Variants in STXBP5L observed in about 807,000 individuals in gnomAD.
STXBP5L encodes the protein syntaxin binding protein 5L.
In STXBP5L, 65 loss-of-function variants were observed where a neutral mutation model predicts 144.5. The ratio of observed to expected loss-of-function variants is 0.45; its 90% CI spans 0.37 to 0.55. The LOEUF (loss-of-function observed/expected upper bound fraction) is 0.55. STXBP5L is among the 20% of genes least tolerant of loss of function. STXBP5L has a pLI of 0.00. For synonymous variants in STXBP5L, 505 were observed against 469.6 expected (o/e 1.08, Z -0.97); for missense variants, 1,298 against 1,405.5 (o/e 0.92, Z 1.22).
chr3:121,324,499 C>A lies in STXBP5L; in HGVS notation c.2176+5959C>A, dbSNP rs1272111489. On this transcript the variant is annotated intron_variant, in intron 20 of 26. Transcript: ENST00000471454. ...TTATATTCCCTTCCTTTAGGACTTG[C>A]TACCAGAACCCCTGAGTCAGCACTA... The A allele has an allele frequency of 1.3e-5, 9 of 694,816 alleles. No individual in the cohort carries two copies. In the East Asian group the frequency reaches 1.3e-4, roughly 10 times the overall value. 43.0% of individuals were successfully genotyped at this position (694,816 alleles called of 1,614,324 possible).
chr3:121,352,368 G>A (rs965286259), intron 20 of STXBP5L, among the ~76,000 whole-genome samples: 1 of 152,030 alleles, frequency 6.6e-6, no homozygotes, highest in Non-Finnish European at 1.5e-5. Context: ...TTGAGCAGTG[G>A]TTTGTAGTTC....
At chr3:121,348,539 C>T (rs561843260) in intron 20 of STXBP5L, among the ~76,000 whole-genome samples, 2 of 152,236 alleles carry the variant, frequency 1.3e-5, no homozygotes, top group Admixed American at 6.5e-5. Flanking sequence ...ATGGTAACAG[C>T]TCCTCCTTGT....
At chr3:121,069,873 C>T (rs1249544224) in intron 5 of STXBP5L, among the ~76,000 whole-genome samples, 3 of 152,086 alleles carry the variant, frequency 2.0e-5, no homozygotes, top group East Asian at 3.9e-4. Flanking sequence ...AATAATTGCT[C>T]TTGCACTTTT....
At chr3:121,069,765 T>C (rs2041720207) in intron 5 of STXBP5L, among the ~76,000 whole-genome samples, 1 of 152,210 alleles carries the variant, frequency 6.6e-6, no homozygotes, top group Non-Finnish European at 1.5e-5. Context: ...GAGCTATTTT[T>C]TTGTTTAAGG....
At chr3:121,173,748 C>T (rs1014748286) in intron 9 of STXBP5L, among the ~76,000 whole-genome samples, 5 of 152,040 alleles carry the variant, frequency 3.3e-5, no homozygotes, top group African/African-American at 1.2e-4. Flanking sequence ...TTTGTGTTAT[C>T]TCTTTACAAG....
intron 9 of STXBP5L, among the ~76,000 whole-genome samples, chr3:121,189,985 G>A (rs1219162936): frequency 6.6e-6 from 1 of 151,750 alleles, no homozygotes; most frequent in Non-Finnish European, 1.5e-5. Flanking sequence ...AAGCATCTTG[G>A]CATTCTGAGG....
chr3:121,016,860 A>G (rs1022146682), intron 3 of STXBP5L, among the ~76,000 whole-genome samples: 1 of 152,182 alleles, frequency 6.6e-6, no homozygotes, highest in African/African-American at 2.4e-5. Flanking sequence ...CAAAACATTC[A>G]AGGAAAAAAT....
intron 3 of STXBP5L, among the ~76,000 whole-genome samples, chr3:120,992,997 C>A (rs1421875879): frequency 6.6e-6 from 1 of 152,192 alleles, no homozygotes; most frequent in East Asian, 1.9e-4. Flanking sequence ...GACATTTTAA[C>A]TGGAGTAAGA....
Position 121,282,367 on chromosome 3 carries a change from C to T in STXBP5L, c.2110+2411C>T, listed in dbSNP as rs752711941. The T allele has an allele frequency of 3.1e-6, 5 of 1,592,018 alleles. No homozygotes were observed. In the African/African-American group the frequency reaches 6.7e-5, roughly 21 times the overall value. ...GTTATATAAAGGTTAGGCAAATAGC[C>T]TTTTTAAGACATAATGCTTGAGTTA... On this transcript the variant is annotated intron_variant, in intron 19 of 26. Coordinates refer to ENST00000471454, the MANE Select transcript of STXBP5L (RefSeq NM_001308330.2).
chr3:121,327,700 G>C (rs965640302), intron 20 of STXBP5L, among the ~76,000 whole-genome samples: 4 of 152,024 alleles, frequency 2.6e-5, no homozygotes, highest in Non-Finnish European at 5.9e-5. Flanking sequence ...TCACATTTTA[G>C]TGTATAATTC....
chr3:121,047,366 T>A (rs1175143528), intron 5 of STXBP5L, among the ~76,000 whole-genome samples: 2 of 152,120 alleles, frequency 1.3e-5, no homozygotes, highest in Non-Finnish European at 2.9e-5. Context: ...GTCTAATAGT[T>A]CCATTTGGTG....
intron 3 of STXBP5L, among the ~76,000 whole-genome samples, chr3:121,036,224 T>C (rs1422054639): frequency 6.6e-6 from 1 of 152,028 alleles, no homozygotes; most frequent in Non-Finnish European, 1.5e-5. Flanking sequence ...TCCCACTTAC[T>C]TGGGAAGCTG....
intron 3 of STXBP5L, 135 bp downstream of exon 3, chr3:120,955,172 C>A: frequency 4.6e-6 from 3 of 649,836 alleles, no homozygotes; most frequent in Non-Finnish European, 7.7e-6. Context: ...TGTGAAAAAT[C>A]TGCACTTTCA....
chr3:121,182,313 T>A (rs1577137062), intron 9 of STXBP5L, among the ~76,000 whole-genome samples: 1 of 152,152 alleles, frequency 6.6e-6, no homozygotes, highest in East Asian at 1.9e-4. Flanking sequence ...CTAAATCATA[T>A]AAAGTATAGT....
At chr3:121,398,495 T>G (rs1215704088) in intron 22 of STXBP5L, among the ~76,000 whole-genome samples, 1 of 152,274 alleles carries the variant, frequency 6.6e-6, no homozygotes, top group Non-Finnish European at 1.5e-5. Context: ...GTTCCCATCT[T>G]TATCAAACCT....
intron 23 of STXBP5L, among the ~76,000 whole-genome samples, chr3:121,410,165 T>C (rs1188541457): frequency 6.6e-6 from 1 of 151,924 alleles, no homozygotes; most frequent in East Asian, 1.9e-4. Flanking sequence ...TTAACTCCCA[T>C]ACATGCCTCA....
intron 19 of STXBP5L, among the ~76,000 whole-genome samples, chr3:121,299,281 T>G (rs1308306801): frequency 2.4e-4 from 36 of 152,194 alleles, no homozygotes; most frequent in Non-Finnish European, 1.9e-4. Context: ...AAGCTGGTGA[T>G]GTTTTTCCTC....
At chr3:121,360,917 A>G (rs1034758687) in intron 20 of STXBP5L, among the ~76,000 whole-genome samples, 1 of 152,256 alleles carries the variant, frequency 6.6e-6, no homozygotes, top group South Asian at 2.1e-4. Context: ...TATATTGCTC[A>G]TTAATGTCCT....
At chr3:121,361,916 C>A (rs770905796) in intron 20 of STXBP5L, among the ~76,000 whole-genome samples, 1 of 152,056 alleles carries the variant, frequency 6.6e-6, no homozygotes, top group Admixed American at 6.6e-5. Flanking sequence ...ATGGTTGGGT[C>A]TTATTTGTAT....
Sources: gnomAD v4.1 joint callset for allele counts (sites outside exome capture counted in the v4.1 genomes callset) on GRCh38, gnomAD v4.1.1 for gene constraint, MANE v1.5 for transcripts, NCBI Gene and HGNC (gene_info 2026-07-23, HGNC 2026-07-21) for gene names.